ZNF438: variants seen among roughly 807,000 people sequenced by gnomAD.
ZNF438 encodes zinc finger protein 438.
ZNF438 carries 25 observed loss-of-function variants against 38.0 expected under a neutral mutation model. That is an observed-to-expected ratio of 0.66 (90% CI 0.48 to 0.92). The LOEUF (loss-of-function observed/expected upper bound fraction) is 0.92, where lower values mean the gene tolerates loss of function less well. Ranked by LOEUF, ZNF438 falls within the 40% of genes least tolerant of loss-of-function variation. The probability of loss-of-function intolerance (pLI) is 0.00; values close to 1 mark genes in which losing one functional copy is unlikely to be tolerated. For missense variants in ZNF438, 1,007 were observed against 999.6 expected, an observed-to-expected ratio of 1.01 and a Z score of -0.10; for synonymous variants, 372 against 364.1, an observed-to-expected ratio of 1.02 and a Z score of -0.25.
intron 1 of ZNF438, among the ~76,000 whole-genome samples, chr10:30,956,562 CCTAT>C (rs2135939718): frequency 6.6e-6 from 1 of 152,240 alleles, no homozygotes; most frequent in Non-Finnish European, 1.5e-5. Flanking sequence ...CTTCATCTCT[CCTAT>C]CTCTTCCCCA....
At chr10:30,944,140 T>C (rs1414678289) in intron 1 of ZNF438, among the ~76,000 whole-genome samples, 2 of 152,096 alleles carry the variant, frequency 1.3e-5, no homozygotes, top group Admixed American at 1.3e-4. Context: ...CACCAATCTC[T>C]CTCCCTCTTT....
chr10:30,850,131 A>G (rs764767960), exon 5 of ZNF438: 12 of 1,614,068 alleles, frequency 7.4e-6, no homozygotes, highest in Non-Finnish European at 1.0e-5. Flanking sequence ...ACAAGAGAAA[A>G]TGTCCCCTCC....
chr10:30,899,986 T>A (rs1479671754), intron 3 of ZNF438, among the ~76,000 whole-genome samples: 2 of 152,208 alleles, frequency 1.3e-5, no homozygotes, highest in African/African-American at 2.4e-5. Flanking sequence ...CTAATCGACA[T>A]AACTGATAAC....
intron 1 of ZNF438, among the ~76,000 whole-genome samples, chr10:30,987,364 G>A (rs1252019955): frequency 1.4e-5 from 2 of 147,772 alleles, no homozygotes; most frequent in African/African-American, 5.0e-5. Context: ...AGCTGATGCT[G>A]AATTAAAAAA....
chr10:31,004,752 G>T (rs959753564), intron 1 of ZNF438, among the ~76,000 whole-genome samples: 4 of 152,240 alleles, frequency 2.6e-5, no homozygotes, highest in African/African-American at 9.6e-5. Context: ...AAAGCATCTA[G>T]GCTGGATAAG....
exon 5 of ZNF438, chr10:30,848,938 A>G: frequency 6.2e-7 from 1 of 1,614,116 alleles, no homozygotes; most frequent in East Asian, 2.2e-5. Context: ...AGCTGGGCTT[A>G]GGGGAAGAGC....
intron 4 of ZNF438, among the ~76,000 whole-genome samples, chr10:30,863,724 G>T (rs1190478014): frequency 6.6e-6 from 1 of 152,164 alleles, no homozygotes; most frequent in Admixed American, 6.5e-5. Flanking sequence ...TCCTTAGGTA[G>T]ATCCTCCCAT....
At chr10:31,019,468 G>A (rs925673461) in intron 1 of ZNF438, among the ~76,000 whole-genome samples, 5 of 152,150 alleles carry the variant, frequency 3.3e-5, no homozygotes, top group East Asian at 1.9e-4. Flanking sequence ...TTTTGATGGC[G>A]TCAACTTTGA....
intron 1 of ZNF438, among the ~76,000 whole-genome samples, chr10:31,017,208 G>T (rs7907916): frequency 0.044 from 6,634 of 152,290 alleles, 460 homozygotes; most frequent in African/African-American, 0.15. Flanking sequence ...CTCTGCTCTA[G>T]CAAGAAGGCA....
At chr10:30,998,881 T>C (rs1034225094) in intron 1 of ZNF438, among the ~76,000 whole-genome samples, 1 of 152,194 alleles carries the variant, frequency 6.6e-6, no homozygotes, top group Non-Finnish European at 1.5e-5. Flanking sequence ...CTAAACAATT[T>C]ATAAAAAGAT....
At chr10:30,936,350 G>C (rs2046253846) in intron 2 of ZNF438, among the ~76,000 whole-genome samples, 1 of 152,122 alleles carries the variant, frequency 6.6e-6, no homozygotes, top group South Asian at 2.1e-4. Flanking sequence ...TAAGCATTTG[G>C]GTGATTAGCA....
In ZNF438 at chr10:31,007,276, G is replaced by GTT. The variant is rs60434764; in HGVS notation, c.-192+24555_-192+24556dup. 2.4e-3 allele frequency among the ~76,000 whole-genome samples: 267 copies of GTT among 112,294 alleles called. 1 individual carries two copies. Among genetic ancestry groups the GTT allele is most frequent in the Middle Eastern group, 4.8e-3 (1 of 210 alleles). The allele number at this position is 112,294 out of a possible 152,430, so 73.7% of individuals were successfully genotyped here. A position where few individuals can be genotyped will look rare whatever the true frequency, so the allele number is the denominator to read the frequency against. On this transcript the variant is annotated intron_variant, in intron 1 of 5. Transcript: ENST00000413025. Reference sequence around the variant, plus strand: ...TTTAAGTCACAAAGGTTTTTTTGGTGTTTTTTTTTTTTTTTTTTTTTTGGA... The same window carrying GTT: ...TTTAAGTCACAAAGGTTTTTTTGGTGTTTTTTTTTTTTTTTTTTTTTTTTGGA...
intron 1 of ZNF438, among the ~76,000 whole-genome samples, chr10:30,972,783 T>A (rs940830314): frequency 6.6e-6 from 1 of 152,194 alleles, no homozygotes; most frequent in Non-Finnish European, 1.5e-5. Flanking sequence ...CAAAGAGCCA[T>A]GGGATTCAAT....
exon 6 of ZNF438, chr10:30,844,843 G>T: frequency 1.6e-6 from 2 of 1,255,328 alleles, no homozygotes; most frequent in South Asian, 1.5e-5. Flanking sequence ...AATCATTTCT[G>T]TTCACTCACA....
chr10:30,999,040 T>C (rs1302416068), intron 1 of ZNF438, among the ~76,000 whole-genome samples: 6 of 152,006 alleles, frequency 3.9e-5, no homozygotes, highest in Admixed American at 3.3e-4. Flanking sequence ...AGCACACTTT[T>C]AACAGAAATA....
chr10:30,854,068 C>T (rs908870553), intron 4 of ZNF438, among the ~76,000 whole-genome samples: 1 of 152,096 alleles, frequency 6.6e-6, no homozygotes, highest in African/African-American at 2.4e-5. Flanking sequence ...GCCTGTAATC[C>T]CAGCACTTTG....
chr10:30,888,737 G>C (rs569689084), intron 3 of ZNF438, among the ~76,000 whole-genome samples: 87 of 152,312 alleles, frequency 5.7e-4, no homozygotes, highest in South Asian at 2.5e-3. Context: ...CGTATTCCAT[G>C]GTGTATATGT....
intron 3 of ZNF438, among the ~76,000 whole-genome samples, chr10:30,902,087 A>C (rs2042069363): frequency 6.6e-6 from 1 of 152,176 alleles, no homozygotes; most frequent in Admixed American, 6.5e-5. Flanking sequence ...GATTTATTGC[A>C]TAGAGCGAAA....
rs2032021061 is a variant in ZNF438, at chr10:30,846,151, C to T, written c.1875-578G>A. Reference sequence around the variant, plus strand: ...AATGAACCATGAAACCTCACTTCTTCCTTCTTTTCCTAGAGTTAGATTTTG... The same window carrying T: ...AATGAACCATGAAACCTCACTTCTTTCTTCTTTTCCTAGAGTTAGATTTTG... On this transcript the variant is annotated intron_variant, in intron 5 of 5. Coordinates refer to ENST00000413025, the Ensembl canonical transcript of ZNF438. 2.0e-5 allele frequency among the ~76,000 whole-genome samples: 3 copies of T among 152,254 alleles called. No individual in the cohort carries two copies. The South Asian group carries it at 6.2e-4, about 31-fold the overall frequency.
Sources: gnomAD v4.1 joint callset for allele counts (sites outside exome capture counted in the v4.1 genomes callset) on GRCh38, gnomAD v4.1.1 for gene constraint, MANE v1.5 for transcripts, NCBI Gene and HGNC (gene_info 2026-07-23, HGNC 2026-07-21) for gene names.